The following FAM13A variants were observed in gnomAD, a reference collection of about 807,000 sequenced individuals.
FAM13A encodes family with sequence similarity 13 member A, also known as protein FAM13A.
Under a neutral mutation model 129.6 loss-of-function variants are expected in FAM13A, and 76 were observed. The observed-to-expected ratio is 0.59, with a 90% CI of 0.49 to 0.71. The LOEUF (loss-of-function observed/expected upper bound fraction) is 0.71, where lower values mean the gene tolerates loss of function less well. FAM13A is among the 30% of genes least tolerant of loss of function. The pLI, the probability that FAM13A is intolerant of heterozygous loss-of-function variation, is 0.00. For missense variants in FAM13A, 1,108 were observed against 1,249.3 expected (o/e 0.89, Z 1.70); for synonymous variants, 443 against 449.9 (o/e 0.98, Z 0.20).
At position 88,750,376 on chromosome 4, in the gene FAM13A, T is replaced by C. The variant is rs767339410; in HGVS notation, c.1940+48A>G. On this transcript the variant is annotated intron_variant, in intron 15 of 23. Transcript: ENST00000264344. ...TATCAGTGCCATTCCTCTTTTCTGA[T>C]GTTGTGGGGATGATGCATTTGTCTA... 6.3e-5 allele frequency: 91 copies of C among 1,436,768 alleles called. No homozygotes were observed. In the Admixed American group the frequency reaches 1.5e-3, roughly 24 times the overall value. The allele number at this position is 1,436,768 out of a possible 1,614,324, so 89.0% of individuals were successfully genotyped here.
In FAM13A at chr4:88,838,651, C is replaced by T. The variant is rs373469317; in HGVS notation, c.1007+12369G>A. ...CTGAGGCAGGAGAATGGCGTGAACC[C>T]GGGAGGCGGAGCTTGCAGTGAGCCG... On this transcript the variant is annotated intron_variant, in intron 7 of 23. Transcript: ENST00000264344. 2.4e-4 allele frequency among the ~76,000 whole-genome samples: 37 copies of T among 151,792 alleles called. No homozygotes were observed. The East Asian group carries it at 4.3e-3, about 17-fold the overall frequency.
intron 10 of FAM13A, among the ~76,000 whole-genome samples, chr4:88,784,676 C>T (rs1034248392): frequency 6.6e-6 from 1 of 152,096 alleles, no homozygotes; most frequent in Non-Finnish European, 1.5e-5. Flanking sequence ...ACATTTGGAT[C>T]AATTTTCCAG....
At chr4:89,034,171 C>T (rs1769063909) in intron 1 of FAM13A, among the ~76,000 whole-genome samples, 1 of 152,130 alleles carries the variant, frequency 6.6e-6, no homozygotes, top group South Asian at 2.1e-4. Context: ...GAAATATTTG[C>T]AAACTATGCA....
intron 11 of FAM13A, among the ~76,000 whole-genome samples, chr4:88,778,918 T>TC (rs1281335413): frequency 2.0e-5 from 3 of 152,154 alleles, no homozygotes; most frequent in African/African-American, 7.2e-5. Context: ...CAACAGTAAG[T>TC]CTTGCTTCCT....
At chr4:88,887,491 C>T (rs1315312659) in intron 6 of FAM13A, among the ~76,000 whole-genome samples, 2 of 151,050 alleles carry the variant, frequency 1.3e-5, no homozygotes, top group African/African-American at 4.9e-5. Flanking sequence ...AAATAACTCT[C>T]TGGTAATTAT....
At chr4:89,042,108 T>C (rs116020132) in intron 1 of FAM13A, among the ~76,000 whole-genome samples, 2 of 118,510 alleles carry the variant, frequency 1.7e-5, no homozygotes, top group South Asian at 5.4e-4. Flanking sequence ...GAACAAGATG[T>C]AAATAGACGT....
intron 3 of FAM13A, among the ~76,000 whole-genome samples, chr4:88,997,624 C>T (rs550718435): frequency 5.9e-5 from 9 of 151,974 alleles, no homozygotes; most frequent in Non-Finnish European, 1.2e-4. Flanking sequence ...CACAGAATGG[C>T]ACCTAACTCT....
intron 6 of FAM13A, among the ~76,000 whole-genome samples, chr4:88,888,804 C>T (rs146126133): frequency 4.6e-5 from 7 of 151,190 alleles, no homozygotes; most frequent in Non-Finnish European, 7.4e-5. Flanking sequence ...GGTGTGTTGG[C>T]GGGTACCTGC....
chr4:88,808,030 C>A (rs1728928676), intron 7 of FAM13A, among the ~76,000 whole-genome samples: 1 of 152,128 alleles, frequency 6.6e-6, no homozygotes, highest in African/African-American at 2.4e-5. Context: ...AACAGTGGAG[C>A]AATCCATGCA....
chr4:88,917,031 A>C (rs1461160457), intron 5 of FAM13A, among the ~76,000 whole-genome samples: 1 of 152,224 alleles, frequency 6.6e-6, no homozygotes, highest in East Asian at 1.9e-4. Flanking sequence ...CGAGTCAAAA[A>C]CAACCTCTTC....
rs151030027 is a variant in FAM13A, at chr4:88,955,877, G to T, written c.606-17636C>A. ...AGCATAAAAGTTTGGGAAATTTGCA[G>T]CCTGATGATGCAATAGAAAAGAAAA... On this transcript the variant is annotated intron_variant, in intron 4 of 23. Transcript: ENST00000264344. 6.5e-3 allele frequency among the ~76,000 whole-genome samples: 989 copies of T among 152,240 alleles called. 16 individuals carry two copies. The highest frequency in any genetic ancestry group is 0.023 in the African/African-American group (945 of 41,552).
At chr4:88,896,479 A>C (rs1412229425) in intron 6 of FAM13A, among the ~76,000 whole-genome samples, 1 of 152,228 alleles carries the variant, frequency 6.6e-6, no homozygotes, top group Non-Finnish European at 1.5e-5. Flanking sequence ...TATATTAAAA[A>C]AATTATATGG....
In FAM13A at chr4:88,790,704, G is replaced by A. The variant is rs186435200; in HGVS notation, c.1050-77C>T. ...ATGAACCAAACATGTGAAGTGGATC[G>A]CAGGCTGAAAGAAATTAGCTCAGTC... On this transcript the variant is annotated intron_variant, in intron 8 of 23. Coordinates refer to ENST00000264344, the MANE Select transcript of FAM13A (RefSeq NM_014883.4). The A allele has an allele frequency of 2.7e-4, 331 of 1,241,402 alleles. 1 individual carries two copies. In the East Asian group the frequency reaches 5.6e-3, roughly 21 times the overall value. The allele number at this position is 1,241,402 out of a possible 1,614,324, so 76.9% of individuals were successfully genotyped here.
chr4:88,750,508 C>T lies in FAM13A; in HGVS notation c.1856G>A (p.Arg619Gln). 1.2e-6 allele frequency: 2 copies of T among 1,614,088 alleles called. No individual in the cohort carries two copies. The highest frequency in any genetic ancestry group is 8.5e-7 in the Non-Finnish European group (1 of 1,180,002). The change falls in exon 15 of 24, where the codon CGG becomes CAG. Residue 619 changes from arginine (R) to glutamine (Q), a missense_variant. Physicochemically the swap from Arg to Gln is conservative, Grantham distance 43. Around this residue, in one of 3 missense-constraint regions of FAM13A, gnomAD observed 529 missense variants for 621.2 expected, o/e 0.85. Coordinates refer to ENST00000264344, the MANE Select transcript of FAM13A (RefSeq NM_014883.4). ...CCTGCTCTGCCCATAAGCGTAGAAC[C>T]GAGGAGAGAGCATGGGGTCGCTGTC... Reference protein sequence around the residue: ...DEDSDPMLSPRFYAYGQSRQY... With the variant: ...DEDSDPMLSPQFYAYGQSRQY...
chr4:88,778,465 T>G (rs1020665481), intron 11 of FAM13A, among the ~76,000 whole-genome samples: 1 of 152,154 alleles, frequency 6.6e-6, no homozygotes, highest in African/African-American at 2.4e-5. Context: ...ACCACTGCAG[T>G]GCACAACTCC....
At chr4:88,734,199 T>C (rs1011765266) in intron 21 of FAM13A, among the ~76,000 whole-genome samples, 4 of 152,176 alleles carry the variant, frequency 2.6e-5, no homozygotes, top group African/African-American at 9.7e-5. Flanking sequence ...AGATGTAGTA[T>C]TTGGATTTCA....
chr4:89,044,562 T>C (rs1770590705), intron 1 of FAM13A, among the ~76,000 whole-genome samples: 2 of 152,226 alleles, frequency 1.3e-5, no homozygotes, highest in Non-Finnish European at 2.9e-5. Flanking sequence ...TATTATCCAA[T>C]GATTCCCCTT....
intron 7 of FAM13A, among the ~76,000 whole-genome samples, chr4:88,817,315 C>A (rs887020855): frequency 1.3e-5 from 2 of 152,172 alleles, no homozygotes; most frequent in Non-Finnish European, 2.9e-5. Context: ...GTAATCCCAG[C>A]ATTTTGGGAG....
At chr4:88,743,117 C>T (rs1740596122) in intron 19 of FAM13A, among the ~76,000 whole-genome samples, 2 of 152,126 alleles carry the variant, frequency 1.3e-5, no homozygotes, top group African/African-American at 4.8e-5. Context: ...AGCACTTCCA[C>T]TCCGTCTTTC....
Sources: gnomAD v4.1 joint callset for allele counts (sites outside exome capture counted in the v4.1 genomes callset) on GRCh38, gnomAD v4.1.1 for gene constraint, gnomAD v4.1.1 regional missense constraint, MANE v1.5 for transcripts, NCBI Gene and HGNC (gene_info 2026-07-23, HGNC 2026-07-21) for gene names.